The following PKD1 variants were observed in gnomAD, a reference collection of about 807,000 sequenced individuals.
PKD1 encodes the protein polycystin 1, transient receptor potential channel interacting.
Under a neutral mutation model 361.7 loss-of-function variants are expected in PKD1, and 81 were observed. That is an observed-to-expected ratio of 0.22 (90% CI 0.19 to 0.27). The LOEUF is 0.27. PKD1 is among the 10% of genes least tolerant of loss of function. The pLI, the probability that PKD1 is intolerant of heterozygous loss-of-function variation, is 1.00. For missense variants in PKD1, 6,399 were observed against 6,118.3 expected, an observed-to-expected ratio of 1.05 and a Z score of -1.53; for synonymous variants, 3,615 against 2,818.3, an observed-to-expected ratio of 1.28 and a Z score of -8.95.
At position 2,108,503 on chromosome 16, in the gene PKD1, C is replaced by T; in HGVS notation, c.6664G>A (p.Ala2222Thr). The T allele has an allele frequency of 1.2e-6, 2 of 1,608,928 alleles. No individual in the cohort carries two copies. Among genetic ancestry groups the T allele is most frequent in the African/African-American group, 2.7e-5 (2 of 74,964 alleles). The change falls in exon 15 of 46, where the codon GCG becomes ACG. Residue 2222 changes from alanine (A) to threonine (T), a missense_variant. By Grantham distance (58) the Ala-to-Thr change is moderately conservative. Coordinates refer to ENST00000262304, the MANE Select transcript of PKD1 (RefSeq NM_001009944.3). ...SRPRLVLPRL[A>T]LPVGHYCFVF... Reference sequence around the variant, plus strand: ...AAGCAGTAGTGCCCCACAGGCAGCGCCAGCCGCGGCAGCACCAGCCGAGGC... The same window carrying T: ...AAGCAGTAGTGCCCCACAGGCAGCGTCAGCCGCGGCAGCACCAGCCGAGGC...
At chr16:2,126,571 C>T (rs2092802708) in intron 1 of PKD1, among the ~76,000 whole-genome samples, 1 of 152,408 alleles carries the variant, frequency 6.6e-6, no homozygotes, top group Admixed American at 6.5e-5. Flanking sequence ...TCCAGCTGCG[C>T]TCACTCTGCA....
chr16:2,088,910 T>C lies in PKD1; in HGVS notation c.*817A>G. 2.5e-6 allele frequency: 1 copy of C among 400,372 alleles called. No individual in the cohort carries two copies. Among genetic ancestry groups the C allele is most frequent in the Non-Finnish European group, 4.6e-6 (1 of 217,642 alleles). 24.8% of individuals were successfully genotyped at this position (400,372 alleles called of 1,614,324 possible). A position where few individuals can be genotyped will look rare whatever the true frequency, so the allele number is the denominator to read the frequency against. ...ACACACACACACACAGTCACCTTCCTCCACCCTGGGAGCCAGCCCCCAGGA... is the reference window on the plus strand; with the variant it reads ...ACACACACACACACAGTCACCTTCCCCCACCCTGGGAGCCAGCCCCCAGGA... On this transcript the variant is annotated 3_prime_UTR_variant, in exon 46 of 46. Coordinates refer to ENST00000262304, the MANE Select transcript of PKD1 (RefSeq NM_001009944.3).
chr16:2,122,634 C>T (rs1186794443), intron 1 of PKD1, among the ~76,000 whole-genome samples: 1 of 152,246 alleles, frequency 6.6e-6, no homozygotes, highest in Non-Finnish European at 1.5e-5. Context: ...CTCACACCCA[C>T]TGCCCAAGCA....
Position 2,089,928 on chromosome 16 carries a change from G to C in PKD1, c.12711C>G (p.Tyr4237Ter), listed in dbSNP as rs906771712. 1 of 1,612,248 alleles carries C rather than the reference G, an allele frequency of 6.2e-7. No homozygotes were observed. The change falls in exon 46 of 46, where the codon TAC becomes TAG. Residue 4237 changes from tyrosine to a stop codon, truncating the protein, a stop_gained. Transcript: ENST00000262304. LOFTEE classifies it high-confidence loss of function. The part of the protein sequence containing the change: ...DRLNQATEDV[Y>*]QLEQQLHSLQ... The stretch of plus-strand genomic sequence containing the variant: ...GGCTGTGCAGCTGCTGCTCCAGCTG[G>C]TAGACGTCCTCTGTGGCCTGGTTGA...
intron 1 of PKD1, chr16:2,123,477 C>T (rs866714263): frequency 6.6e-6 from 3 of 456,396 alleles, no homozygotes; most frequent in Middle Eastern, 3.2e-4. Flanking sequence ...CGCTTGCTCC[C>T]GTACTTTTTC....
chr16:2,093,025 A>G lies in PKD1; in HGVS notation c.11085T>C (p.His3695=), dbSNP rs2091669289. ...LLASYGDASC[H]GHAYRLQSAI... The stretch of plus-strand genomic sequence containing the variant: ...CGCTTTGCAGACGGTAGGCGTGCCC[A>G]TGGCATGAGGCATCCCCATAGCTGG... The change falls in exon 38 of 46, where the codon CAT becomes CAC. Residue 3695 remains histidine, a synonymous_variant. Coordinates refer to ENST00000262304, the MANE Select transcript of PKD1 (RefSeq NM_001009944.3). 1.2e-6 allele frequency: 2 copies of G among 1,612,884 alleles called. No homozygotes were observed. The highest frequency in any genetic ancestry group is 4.5e-5 in the East Asian group (2 of 44,872).
intron 42 of PKD1, 32 bp downstream of exon 42, chr16:2,091,391 G>C (rs1388622790): frequency 9.2e-7 from 1 of 1,092,006 alleles, no homozygotes; most frequent in Non-Finnish European, 1.1e-6. Flanking sequence ...CTGCCGGTGG[G>C]AGGCGCGGGG....
chr16:2,091,896 AGGACCATGCCCTGCCGGAGAGGGGT>A lies in PKD1; in HGVS notation c.11412-15_11421del. Reference sequence around the variant, plus strand: ...CTGTCATACACGGCACAGGAGCCCCAGGACCATGCCCTGCCGGAGAGGGGTGGCGTGGGTGCCGCACCCCAGCCCT... The same window carrying A: ...CTGTCATACACGGCACAGGAGCCCCAGGCGTGGGTGCCGCACCCCAGCCCT... On this transcript the variant is annotated splice_acceptor_variant and splice_polypyrimidine_tract_variant and coding_sequence_variant and intron_variant, in exon 41 of 46. Coordinates refer to ENST00000262304, the MANE Select transcript of PKD1 (RefSeq NM_001009944.3). LOFTEE classifies it high-confidence loss of function. The A allele has an allele frequency of 6.2e-7, 1 of 1,611,560 alleles. No homozygotes were observed. Among genetic ancestry groups the A allele is most frequent in the Non-Finnish European group, 8.5e-7 (1 of 1,179,612 alleles).
intron 10 of PKD1, 199 bp from the exon 11 acceptor site, chr16:2,115,124 C>G: frequency 4.1e-6 from 4 of 972,298 alleles, no homozygotes; most frequent in Non-Finnish European, 4.9e-6. Flanking sequence ...CAGGCCAAGA[C>G]CTGGCAGACA....
chr16:2,089,157 TAACGCCACCACACCTACCA>T lies in PKD1; in HGVS notation c.*551_*569del, dbSNP rs1212750775. Reference sequence around the variant, plus strand: ...CATCCAAGCAGCAGCCGGGCTGCCATAACGCCACCACACCTACCAAGCGCAGCAGGTGTTGGGGGAGGCC... The same window carrying T: ...CATCCAAGCAGCAGCCGGGCTGCCATAGCGCAGCAGGTGTTGGGGGAGGCC... On this transcript the variant is annotated 3_prime_UTR_variant, in exon 46 of 46. Coordinates refer to ENST00000262304, the MANE Select transcript of PKD1 (RefSeq NM_001009944.3). 1.2e-5 allele frequency: 2 copies of T among 169,694 alleles called. No homozygotes were observed. Among genetic ancestry groups the T allele is most frequent in the African/African-American group, 4.8e-5 (2 of 41,742 alleles). The allele number at this position is 169,694 out of a possible 1,614,324, so 10.5% of individuals were successfully genotyped here. A position where few individuals can be genotyped will look rare whatever the true frequency, so the allele number is the denominator to read the frequency against.
chr16:2,106,213 G>A lies in PKD1; in HGVS notation c.7581C>T (p.Val2527=), dbSNP rs766719977. Residue 2527 remains valine (V), a synonymous_variant, in exon 19 of 46, where the codon GTC becomes GTT. Coordinates refer to ENST00000262304, the MANE Select transcript of PKD1 (RefSeq NM_001009944.3). The surrounding 1 kb of genome is among the most constrained non-coding windows in gnomAD (Gnocchi z 6.5). ...CGTAGCTGGAGAGGCTGCCCTTGTA[G>A]ACACAGAACTCCTCGCAGTGGCCCT... is the stretch of plus-strand genomic sequence containing the variant. ...CRQGHCEEFC[V]YKGSLSSYGA... 19 of 1,610,098 alleles carry A rather than the reference G, an allele frequency of 1.2e-5. No homozygotes were observed. In the East Asian group the frequency reaches 1.3e-4, roughly 11 times the overall value.
rs148069029 is a variant in PKD1, at chr16:2,108,368, C to A, written c.6799G>T (p.Val2267Leu). The A allele has an allele frequency of 1.9e-6, 3 of 1,610,370 alleles. No homozygotes were observed. The highest frequency in any genetic ancestry group is 2.2e-5 in the East Asian group (1 of 44,882). ...VPIIEGGSYR[V>L]WSDTRDLVLD... The stretch of plus-strand genomic sequence containing the variant: ...ACCAGGTCCCGTGTGTCTGACCACA[C>A]GCGGTATGAGCCACCCTCAATGATG... The change falls in exon 15 of 46, where the codon GTG (valine) becomes TTG (leucine). Residue 2267 changes from valine to leucine, a missense_variant. Transcript: ENST00000262304.
chr16:2,092,980 G>A lies in PKD1; in HGVS notation c.11130C>T (p.His3710=), dbSNP rs1369416595. The A allele has an allele frequency of 1.9e-6, 3 of 1,612,904 alleles. No individual in the cohort carries two copies. Among genetic ancestry groups the A allele is most frequent in the Non-Finnish European group, 2.5e-6 (3 of 1,180,030 alleles). Residue 3710 remains histidine (H), a synonymous_variant, in exon 38 of 46, where the codon CAC becomes CAT. Coordinates refer to ENST00000262304, the MANE Select transcript of PKD1 (RefSeq NM_001009944.3). ...GCGTGATGGCCAGGAAGGCCCGGCT[G>A]TGCAGCTCCTGCTTGATGGCGCTTT... ...RLQSAIKQEL[H]SRAFLAITRS... is the part of the protein sequence containing the mutation.
intron 1 of PKD1, 164 bp from the exon 2 acceptor site, chr16:2,119,542 T>C: frequency 1.5e-6 from 1 of 687,948 alleles, no homozygotes. Flanking sequence ...AAGACCCAAA[T>C]GAACACTCAT....
At position 2,118,004 on chromosome 16, in the gene PKD1, G is replaced by C. The variant is rs776765857; in HGVS notation, c.988C>G (p.Arg330Gly). ...GCCAGCACGGCCGTCACGTGATAGC[G>C]CCCAGGCAGCACATAGCGATGCGAG... ...AASHRYVLPG[R>G]YHVTAVLALG... The change falls in exon 5 of 46, where the codon CGC becomes GGC. Residue 330 changes from arginine (R) to glycine (G), a missense_variant. Coordinates refer to ENST00000262304, the MANE Select transcript of PKD1 (RefSeq NM_001009944.3). This position sits in a 1 kb window ranked among gnomAD's most constrained non-coding sequence, Gnocchi z 6.0. The C allele has an allele frequency of 8.8e-6, 14 of 1,585,556 alleles. No individual in the cohort carries two copies. In the African/African-American group the frequency reaches 1.6e-4, roughly 18 times the overall value.
chr16:2,097,708 G>T lies in PKD1; in HGVS notation c.10220+20C>A. ...CACAGTGACCTGCACCAGGGCTCGA[G>T]GTTTCTCTAGGGAACCCACCTCTTA... On this transcript the variant is annotated intron_variant, in intron 32 of 45. Coordinates refer to ENST00000262304, the MANE Select transcript of PKD1 (RefSeq NM_001009944.3). 6.2e-7 allele frequency: 1 copy of T among 1,610,960 alleles called. No homozygotes were observed. Among genetic ancestry groups the T allele is most frequent in the Non-Finnish European group, 8.5e-7 (1 of 1,179,796 alleles).
rs2091591384 is a variant in PKD1 at position 2,091,722 on chromosome 16, G to T, written c.11537+59C>A. ...GCCAGCGGGGGCCGGAGGAGTGAGG[G>T]TGGGCTCCTGGCTGGTGACTGCGGC... On this transcript the variant is annotated intron_variant, in intron 41 of 45. Coordinates refer to ENST00000262304, the MANE Select transcript of PKD1 (RefSeq NM_001009944.3). 3 of 1,595,590 alleles carry T rather than the reference G, an allele frequency of 1.9e-6. No individual in the cohort carries two copies. In the African/African-American group the frequency reaches 4.0e-5, roughly 21 times the overall value.
At position 2,111,791 on chromosome 16, in the gene PKD1, G is replaced by C; in HGVS notation, c.3376C>G (p.Leu1126Val). The C allele has an allele frequency of 6.2e-7, 1 of 1,609,172 alleles. No homozygotes were observed. Among genetic ancestry groups the C allele is most frequent in the Non-Finnish European group, 8.5e-7 (1 of 1,179,140 alleles). ...QQVPVSVRAS[L>V]PSVAVGVSDG... ...CTCACACCCACAGCCACGGAGGGCA[G>C]GGAGGCGCGCACGCTCACAGGCACC... The change falls in exon 15 of 46, where the codon CTG (leucine) becomes GTG (valine). Residue 1126 changes from leucine (L) to valine (V), a missense_variant. Coordinates refer to ENST00000262304, the MANE Select transcript of PKD1 (RefSeq NM_001009944.3).
In PKD1 at chr16:2,104,475, G is replaced by T. The variant is rs372296057; in HGVS notation, c.8161+23C>A. The stretch of plus-strand genomic sequence containing the variant: ...AAGGGCCGCACGGGGCGGGCGGGTG[G>T]CATGGGGCACGGGCCGCGGCACCTG... On this transcript the variant is annotated intron_variant, in intron 22 of 45. Coordinates refer to ENST00000262304, the MANE Select transcript of PKD1 (RefSeq NM_001009944.3). 145 of 1,487,182 alleles carry T rather than the reference G, an allele frequency of 9.7e-5. 2 individuals carry two copies. The highest frequency in any genetic ancestry group is 3.0e-4 in the South Asian group (25 of 83,516). 92.1% of individuals were successfully genotyped at this position (1,487,182 alleles called of 1,614,324 possible).
Sources: allele counts gnomAD v4.1 joint callset (sites outside exome capture counted in the v4.1 genomes callset), GRCh38; gene constraint gnomAD v4.1.1; non-coding constraint Gnocchi (gnomAD v3.1); transcripts MANE v1.5; gene names NCBI Gene and HGNC (gene_info 2026-07-23, HGNC 2026-07-21).